Variants in MAP4K4 observed in about 807,000 individuals in gnomAD.
MAP4K4 encodes HPK/GCK-like kinase HGK.
MAP4K4 carries 38 observed loss-of-function variants against 189.6 expected under a neutral mutation model. That is an observed-to-expected ratio of 0.20 (90% CI 0.15 to 0.26). The LOEUF (loss-of-function observed/expected upper bound fraction) is 0.26. Among genes scored for constraint, MAP4K4 ranks in the 10% least tolerant of loss-of-function variants. The probability of loss-of-function intolerance (pLI) is 1.00; values close to 1 mark genes in which losing one functional copy is unlikely to be tolerated. For missense variants in MAP4K4, 1,054 were observed against 1,726.9 expected (o/e 0.61, Z 6.91); for synonymous variants, 610 against 624.3 (o/e 0.98, Z 0.34).
chr2:101,712,990 A>C lies in MAP4K4; in HGVS notation c.123+14452A>C, dbSNP rs117419901. 9.5e-4 allele frequency among the ~76,000 whole-genome samples: 136 copies of C among 143,630 alleles called. 3 individuals carry two copies. The East Asian group carries it at 0.027, about 29-fold the overall frequency. 94.2% of individuals were successfully genotyped at this position (143,630 alleles called of 152,430 possible). A position where few individuals can be genotyped will look rare whatever the true frequency, so the allele number is the denominator to read the frequency against. ...ACCATCTTGGCTCACTGCAACCTCC[A>C]CCTCCCAGATTCAGGCAGTTCTCGT... On this transcript the variant is annotated intron_variant, in intron 2 of 32. Transcript: ENST00000324219.
chr2:101,824,667 G>A (rs2096272468), intron 4 of MAP4K4, among the ~76,000 whole-genome samples: 1 of 152,068 alleles, frequency 6.6e-6, no homozygotes, highest in Admixed American at 6.5e-5. Flanking sequence ...ATTTTTAAAA[G>A]GCTATTACAG....
intron 2 of MAP4K4, among the ~76,000 whole-genome samples, chr2:101,775,214 A>T (rs147787391): frequency 1.1e-3 from 162 of 151,998 alleles, no homozygotes; most frequent in Middle Eastern, 0.01. Context: ...TTCTGGGGAC[A>T]GCTGGCCTAT....
At chr2:101,740,035 A>G (rs1192870298) in intron 2 of MAP4K4, among the ~76,000 whole-genome samples, 1 of 152,196 alleles carries the variant, frequency 6.6e-6, no homozygotes, top group Non-Finnish European at 1.5e-5. Context: ...CATGTTGACC[A>G]CAGGTCATAG....
chr2:101,872,594 C>T (rs985878629), intron 24 of MAP4K4, among the ~76,000 whole-genome samples: 7 of 152,278 alleles, frequency 4.6e-5, no homozygotes, highest in African/African-American at 1.7e-4. Context: ...GAAAAATCCT[C>T]TCCTCCGGAG....
intron 28 of MAP4K4, among the ~76,000 whole-genome samples, chr2:101,884,001 A>G (rs2098446381): frequency 6.6e-6 from 1 of 152,208 alleles, no homozygotes; most frequent in South Asian, 2.1e-4. Context: ...ACAGCTCATA[A>G]CAGATGAAAT....
At chr2:101,860,321 C>CG (rs1399812310) in intron 15 of MAP4K4, 2 of 216,322 alleles carry the variant, frequency 9.2e-6, no homozygotes, top group Non-Finnish European at 1.9e-5. Context: ...AGGGACTGCT[C>CG]GGGGGTGCAA....
At chr2:101,708,247 A>G (rs1274526490) in intron 2 of MAP4K4, among the ~76,000 whole-genome samples, 1 of 152,226 alleles carries the variant, frequency 6.6e-6, no homozygotes. Context: ...ATGTTTAACC[A>G]AAAGTTGTGT....
chr2:101,787,835 G>T (rs1276035097), intron 2 of MAP4K4, among the ~76,000 whole-genome samples: 3 of 131,746 alleles, frequency 2.3e-5, no homozygotes, highest in African/African-American at 3.0e-5. Context: ...ACAGAGTCTC[G>T]CTCTGTCACC....
rs778533248 is a variant in MAP4K4, at chr2:101,863,957, A to C, written c.2003A>C (p.Glu668Ala). 17 of 1,367,588 alleles carry C rather than the reference A, an allele frequency of 1.2e-5. No individual in the cohort carries two copies. The South Asian group carries it at 1.9e-4, about 16-fold the overall frequency. The allele number at this position is 1,367,588 out of a possible 1,614,324, so 84.7% of individuals were successfully genotyped here. The change falls in exon 17 of 33, where the codon GAG (glutamate) becomes GCG (alanine). Residue 668 changes from glutamate to alanine, a missense_variant. Around this residue, in one of 4 missense-constraint regions of MAP4K4, gnomAD observed 646 missense variants for 796.2 expected, o/e 0.81. Transcript: ENST00000324219. The stretch of plus-strand genomic sequence containing the variant: ...GACCCATGTCCACCTTCCCGCAGTG[A>C]GGTGCTCAGTCAGAGCTCTGACTCT...
At chr2:101,763,868 T>C (rs774573282) in intron 2 of MAP4K4, among the ~76,000 whole-genome samples, 16 of 152,088 alleles carry the variant, frequency 1.1e-4, no homozygotes, top group Non-Finnish European at 2.1e-4. Context: ...TACAACATAA[T>C]CTGACTTAAA....
At chr2:101,848,969 G>A (rs2097195211) in intron 12 of MAP4K4, among the ~76,000 whole-genome samples, 1 of 152,172 alleles carries the variant, frequency 6.6e-6, no homozygotes, top group Non-Finnish European at 1.5e-5. Context: ...TTCGTACTGA[G>A]AGTCTCAGCA....
chr2:101,718,038 C>G (rs1235973191), intron 2 of MAP4K4, among the ~76,000 whole-genome samples: 1 of 151,950 alleles, frequency 6.6e-6, no homozygotes. Flanking sequence ...GGGCAGATCA[C>G]CTGAGGTCAG....
chr2:101,886,918 G>A (rs908919516), intron 29 of MAP4K4, among the ~76,000 whole-genome samples, 170 bp from the exon 30 acceptor site: 1 of 151,948 alleles, frequency 6.6e-6, no homozygotes, highest in East Asian at 1.9e-4. Context: ...CCAGCTACTC[G>A]GGAGGCTGAG....
chr2:101,892,932 A>G (rs2098590939), exon 33 of MAP4K4: 1 of 456,422 alleles, frequency 2.2e-6, no homozygotes. Flanking sequence ...GAGTGGAAAT[A>G]ACTGCATTAT....
intron 5 of MAP4K4, among the ~76,000 whole-genome samples, chr2:101,828,258 T>C (rs1480715035): frequency 6.6e-6 from 1 of 152,220 alleles, no homozygotes; most frequent in Admixed American, 6.5e-5. Flanking sequence ...GAAGAGGTTG[T>C]GCAAGTTAGA....
At chr2:101,704,565 A>ATTTTTTTTTTTTTTTTTTT (rs1559014076) in intron 2 of MAP4K4, among the ~76,000 whole-genome samples, 1 of 40,358 alleles carries the variant, frequency 2.5e-5, no homozygotes, top group Non-Finnish European at 3.6e-5. Flanking sequence ...ATATATATAT[A>ATTTTTTTTTTTTTTTTTTT]TATTTTTTTT....
intron 3 of MAP4K4, among the ~76,000 whole-genome samples, chr2:101,805,399 A>G (rs993043329): frequency 1.3e-5 from 2 of 152,184 alleles, no homozygotes; most frequent in Non-Finnish European, 2.9e-5. Context: ...AGTTAGCATT[A>G]TGTTTGTGAG....
chr2:101,849,485 C>T (rs928785669), intron 12 of MAP4K4, among the ~76,000 whole-genome samples: 3 of 151,926 alleles, frequency 2.0e-5, no homozygotes, highest in Non-Finnish European at 2.9e-5. Flanking sequence ...TTGGCTCATA[C>T]AAGACTTTGG....
chr2:101,716,606 G>A (rs997386189), intron 2 of MAP4K4, among the ~76,000 whole-genome samples: 1 of 152,096 alleles, frequency 6.6e-6, no homozygotes, highest in Admixed American at 6.5e-5. Context: ...CCTTTGCTGG[G>A]TAGCAAACCA....
Sources: gnomAD v4.1 joint callset for allele counts (sites outside exome capture counted in the v4.1 genomes callset) on GRCh38, gnomAD v4.1.1 for gene constraint, gnomAD v4.1.1 regional missense constraint, MANE v1.5 for transcripts, NCBI Gene and HGNC (gene_info 2026-07-23, HGNC 2026-07-21) for gene names.